Variants in MARCHF1 observed in about 807,000 individuals in gnomAD.
MARCHF1 encodes the protein E3 ubiquitin-protein ligase MARCHF1.
MARCHF1 carries 40 observed loss-of-function variants against 54.2 expected under a neutral mutation model. The ratio of observed to expected loss-of-function variants is 0.74; its 90% CI spans 0.57 to 0.96. The LOEUF is 0.96. Ranked by LOEUF, MARCHF1 falls within the 40% of genes least tolerant of loss-of-function variation. The pLI is 0.00. For missense variants in MARCHF1, 586 were observed against 656.5 expected (o/e 0.89, Z 1.17); for synonymous variants, 236 against 236.3 (o/e 1.00, Z 0.01).
At chr4:163,859,621 A>T (rs1367936620) in intron 3 of MARCHF1, among the ~76,000 whole-genome samples, 1 of 152,092 alleles carries the variant, frequency 6.6e-6, no homozygotes, top group African/African-American at 2.4e-5. Flanking sequence ...TCGGCCTCCC[A>T]AAGTGCTGGG....
intron 3 of MARCHF1, among the ~76,000 whole-genome samples, chr4:163,987,779 C>T (rs1752898773): frequency 6.6e-6 from 1 of 152,212 alleles, no homozygotes; most frequent in Non-Finnish European, 1.5e-5. Flanking sequence ...CAATCCCTTT[C>T]TTAAAAACCT....
intron 8 of MARCHF1, among the ~76,000 whole-genome samples, chr4:163,561,882 C>T (rs1342598224): frequency 6.6e-6 from 1 of 152,180 alleles, no homozygotes; most frequent in African/African-American, 2.4e-5. Flanking sequence ...CCACCTATAG[C>T]TACTGACTTG....
At chr4:163,821,246 C>T (rs986937713) in intron 4 of MARCHF1, among the ~76,000 whole-genome samples, 2 of 152,080 alleles carry the variant, frequency 1.3e-5, no homozygotes, top group African/African-American at 2.4e-5. Context: ...TTCTTCAAGA[C>T]GGCCTTATTT....
At chr4:163,606,506 A>C (rs1741147575) in intron 7 of MARCHF1, among the ~76,000 whole-genome samples, 2 of 152,082 alleles carry the variant, frequency 1.3e-5, no homozygotes, top group Admixed American at 6.6e-5. Context: ...GAGAGAAAAG[A>C]TAACTGTGGA....
intron 1 of MARCHF1, among the ~76,000 whole-genome samples, chr4:164,214,175 T>A (rs1287737177): frequency 1.4e-5 from 2 of 145,874 alleles, no homozygotes; most frequent in South Asian, 2.2e-4. Context: ...GTAAAAAAAA[T>A]TGTATATTAA....
intron 1 of MARCHF1, among the ~76,000 whole-genome samples, chr4:164,255,055 T>C (rs957322950): frequency 1.3e-5 from 2 of 152,206 alleles, no homozygotes; most frequent in Non-Finnish European, 1.5e-5. Flanking sequence ...ATGAATGTTA[T>C]AGAACTATAC....
chr4:163,865,444 G>C (rs980602954), intron 3 of MARCHF1, among the ~76,000 whole-genome samples: 1 of 151,680 alleles, frequency 6.6e-6, no homozygotes, highest in African/African-American at 2.4e-5. Flanking sequence ...AGGGATTTAT[G>C]GCCTGCATCT....
chr4:163,800,879 GAC>G (rs1748064356), intron 4 of MARCHF1, among the ~76,000 whole-genome samples: 2 of 152,026 alleles, frequency 1.3e-5, no homozygotes, highest in Admixed American at 1.3e-4. Flanking sequence ...AACTCCAGAG[GAC>G]AAGGCCAACT....
intron 3 of MARCHF1, among the ~76,000 whole-genome samples, chr4:163,939,809 A>G (rs760367415): frequency 3.3e-5 from 5 of 152,166 alleles, no homozygotes; most frequent in Non-Finnish European, 5.9e-5. Flanking sequence ...TCAGCATAAC[A>G]TGCCGAACTA....
At chr4:164,052,678 A>C (rs139107904) in intron 2 of MARCHF1, among the ~76,000 whole-genome samples, 2 of 152,128 alleles carry the variant, frequency 1.3e-5, no homozygotes, top group Admixed American at 1.3e-4. Context: ...GCTGCTCTAC[A>C]TCACCCCCAT....
intron 3 of MARCHF1, among the ~76,000 whole-genome samples, chr4:163,898,269 G>A (rs995888513): frequency 6.6e-6 from 1 of 151,984 alleles, no homozygotes; most frequent in Non-Finnish European, 1.5e-5. Flanking sequence ...CAGAATGGGA[G>A]AAAATATTTG....
chr4:164,017,916 G>A (rs1259331963), intron 2 of MARCHF1, among the ~76,000 whole-genome samples: 3 of 150,762 alleles, frequency 2.0e-5, no homozygotes, highest in African/African-American at 7.3e-5. Context: ...AAAAGCCACA[G>A]GAATTAAAAC....
chr4:163,703,681 A>T (rs1473135809), intron 4 of MARCHF1, among the ~76,000 whole-genome samples: 1 of 152,148 alleles, frequency 6.6e-6, no homozygotes, highest in Non-Finnish European at 1.5e-5. Flanking sequence ...AGGATCATTA[A>T]GCAGTAATGT....
At chr4:163,554,606 C>T (rs1739223675) in intron 8 of MARCHF1, among the ~76,000 whole-genome samples, 1 of 152,144 alleles carries the variant, frequency 6.6e-6, no homozygotes, top group Admixed American at 6.5e-5. Flanking sequence ...GGTCAAGTAA[C>T]CTAACCTCCT....
intron 7 of MARCHF1, among the ~76,000 whole-genome samples, chr4:163,592,834 A>T (rs1279321564): frequency 6.6e-6 from 1 of 152,046 alleles, no homozygotes; most frequent in Non-Finnish European, 1.5e-5. Context: ...TTTGAAGACT[A>T]TCTGAGAGGT....
chr4:163,574,238 G>A (rs986050778), intron 8 of MARCHF1, among the ~76,000 whole-genome samples: 10 of 151,538 alleles, frequency 6.6e-5, no homozygotes, highest in Admixed American at 3.9e-4. Context: ...ATTAGGTTGC[G>A]AAAATTTTCT....
chr4:163,774,055 G>C (rs1002280860), intron 4 of MARCHF1, among the ~76,000 whole-genome samples: 2 of 152,070 alleles, frequency 1.3e-5, no homozygotes, highest in Non-Finnish European at 2.9e-5. Context: ...TGTATCTGTG[G>C]GGGATTGGTT....
At chr4:163,984,939 C>T (rs1220639316) in intron 3 of MARCHF1, among the ~76,000 whole-genome samples, 1 of 152,104 alleles carries the variant, frequency 6.6e-6, no homozygotes, top group Non-Finnish European at 1.5e-5. Flanking sequence ...GAGGTATCTT[C>T]TCCCAAAGCT....
At position 163,999,653 on chromosome 4, in the gene MARCHF1, T is replaced by G. The variant is rs1318987140; in HGVS notation, c.-247-10944A>C. Among the ~76,000 whole-genome samples, 4 of 151,622 alleles carry G rather than the reference T, an allele frequency of 2.6e-5. No individual in the cohort carries two copies. In the Admixed American group the frequency reaches 2.6e-4, roughly 10 times the overall value. ...GGAGTGTTACAGTACCATTATAAAT[T>G]TGAATTATTGTATTGAAGAAAATAA... On this transcript the variant is annotated intron_variant, in intron 2 of 9. Coordinates refer to ENST00000514618, the MANE Select transcript of MARCHF1 (RefSeq NM_001394959.1).
Sources: allele counts gnomAD v4.1 joint callset (sites outside exome capture counted in the v4.1 genomes callset), GRCh38; gene constraint gnomAD v4.1.1; transcripts MANE v1.5; gene names NCBI Gene and HGNC (gene_info 2026-07-23, HGNC 2026-07-21).